PPP2CB: variants seen among roughly 807,000 people sequenced by gnomAD.
PPP2CB encodes protein phosphatase 2 catalytic subunit beta.
In PPP2CB, 18 loss-of-function variants were observed where a neutral mutation model predicts 39.1. That is an observed-to-expected ratio of 0.46 (90% CI 0.32 to 0.68). The LOEUF (loss-of-function observed/expected upper bound fraction) is 0.68. Ranked by LOEUF, PPP2CB falls within the 30% of genes least tolerant of loss-of-function variation. The pLI, the probability that PPP2CB is intolerant of heterozygous loss-of-function variation, is 0.04. For missense variants in PPP2CB, 226 were observed against 396.9 expected (o/e 0.57, Z 3.66); for synonymous variants, 129 against 133.8 (o/e 0.96, Z 0.25).
intron 6 of PPP2CB, 45 bp downstream of exon 6, chr8:30,791,152 T>C (rs1806420994): frequency 1.5e-6 from 2 of 1,320,850 alleles, no homozygotes. Context: ...ACATTTAAAA[T>C]TTTCCTTCTG....
At chr8:30,805,585 T>C (rs1045460431) in intron 1 of PPP2CB, among the ~76,000 whole-genome samples, 8 of 151,820 alleles carry the variant, frequency 5.3e-5, no homozygotes, top group Non-Finnish European at 7.4e-5. Flanking sequence ...AAAAGAGATT[T>C]TGAGCAAAAT....
Position 30,797,741 on chromosome 8 carries a change from T to C in PPP2CB, c.326A>G (p.Glu109Gly), listed in dbSNP as rs1170849504. 3 of 1,613,446 alleles carry C rather than the reference T, an allele frequency of 1.9e-6. No homozygotes were observed. Among genetic ancestry groups the C allele is most frequent in the Admixed American group, 1.7e-5 (1 of 59,854 alleles). ...LLVALKVRYPERITILRGNHE... is the reference protein window; with the variant it reads ...LLVALKVRYPGRITILRGNHE... The stretch of plus-strand genomic sequence containing the variant: ...ATTTCCTCTCAATATTGTAATGCGT[T>C]CTGGATAACGCACCTGGAAGAAAAG... The change falls in exon 3 of 7, where the codon GAA (glutamate) becomes GGA (glycine). Residue 109 changes from glutamate (E) to glycine (G), a missense_variant. By Grantham distance (98) the Glu-to-Gly change is moderately conservative. Coordinates refer to ENST00000221138, the MANE Select transcript of PPP2CB (RefSeq NM_001009552.2).
Position 30,794,027 on chromosome 8 carries a change from C to A in PPP2CB, c.628G>T (p.Gly210Cys). The A allele has an allele frequency of 6.2e-7, 1 of 1,612,716 alleles. No individual in the cohort carries two copies. The highest frequency in any genetic ancestry group is 8.5e-7 in the Non-Finnish European group (1 of 1,179,360). The change falls in exon 5 of 7, where the codon GGT becomes TGT. Residue 210 changes from glycine (G) to cysteine (C), a missense_variant. Around this residue, in one of 4 missense-constraint regions of PPP2CB, gnomAD observed 110 missense variants for 244.1 expected, o/e 0.45. Coordinates refer to ENST00000221138, the MANE Select transcript of PPP2CB (RefSeq NM_001009552.2). Reference sequence around the variant, plus strand: ...TAGCCAGCACCACGTGGTGAAATACCCCATCCACCACGATCATCTGGATCT... The same window carrying A: ...TAGCCAGCACCACGTGGTGAAATACACCATCCACCACGATCATCTGGATCT... ...WSDPDDRGGW[G>C]ISPRGAGYTF...
intron 1 of PPP2CB, among the ~76,000 whole-genome samples, chr8:30,810,973 T>C (rs1806815986): frequency 6.6e-6 from 1 of 152,238 alleles, no homozygotes; most frequent in African/African-American, 2.4e-5. Flanking sequence ...GAAAATTTTA[T>C]AGATTACGTT....
chr8:30,797,845 G>A lies in PPP2CB; in HGVS notation c.313-91C>T, dbSNP rs200321354. ...AGTCTCTGACCCATTTTTAAACACGGCGCTTTTGGCCACCAGTATATTAAA... is the reference window on the plus strand; with the variant it reads ...AGTCTCTGACCCATTTTTAAACACGACGCTTTTGGCCACCAGTATATTAAA... On this transcript the variant is annotated intron_variant, in intron 2 of 6. Transcript: ENST00000221138. The A allele has an allele frequency of 1.5e-5, 19 of 1,287,010 alleles. No homozygotes were observed. The East Asian group carries it at 4.0e-4, about 27-fold the overall frequency. The allele number at this position is 1,287,010 out of a possible 1,614,324, so 79.7% of individuals were successfully genotyped here. A position where few individuals can be genotyped will look rare whatever the true frequency, so the allele number is the denominator to read the frequency against.
At chr8:30,796,609 G>A (rs557732367) in intron 3 of PPP2CB, among the ~76,000 whole-genome samples, 8 of 152,126 alleles carry the variant, frequency 5.3e-5, no homozygotes, top group South Asian at 2.1e-4. Flanking sequence ...GGCTGGTCTC[G>A]AACTCCCTAC....
intron 3 of PPP2CB, among the ~76,000 whole-genome samples, chr8:30,794,795 T>C (rs1374791356): frequency 6.6e-6 from 1 of 152,210 alleles, no homozygotes; most frequent in Admixed American, 6.5e-5. Flanking sequence ...TGGTTATTGC[T>C]GATATATACA....
At chr8:30,791,738 T>C (rs76194634) in intron 5 of PPP2CB, among the ~76,000 whole-genome samples, 4,532 of 152,160 alleles carry the variant, frequency 0.03, 216 homozygotes, top group African/African-American at 0.099. Context: ...TCTCTTTATT[T>C]CTAATAATAC....
Position 30,812,418 on chromosome 8 carries a change from C to A in PPP2CB, c.4G>T (p.Asp2Tyr). 1 of 1,529,082 alleles carries A rather than the reference C, an allele frequency of 6.5e-7. No individual in the cohort carries two copies. Among genetic ancestry groups the A allele is most frequent in the South Asian group, 1.2e-5 (1 of 83,624 alleles). The allele number at this position is 1,529,082 out of a possible 1,614,324, so 94.7% of individuals were successfully genotyped here. The change falls in exon 1 of 7, where the codon GAC (aspartate) becomes TAC (tyrosine). Residue 2 changes from aspartate to tyrosine, a missense_variant. Around this residue, in one of 4 missense-constraint regions of PPP2CB, gnomAD observed 59 missense variants for 42.6 expected, o/e 1.38. Transcript: ENST00000221138. M[D>Y]DKAFTKELDQ... The stretch of plus-strand genomic sequence containing the variant: ...AGCTCCTTGGTGAACGCCTTGTCGT[C>A]CATGGCGGCCCGATCCCGATGCGGA...
At chr8:30,788,373 C>A (rs1429118338) in intron 6 of PPP2CB, among the ~76,000 whole-genome samples, 1 of 152,080 alleles carries the variant, frequency 6.6e-6, no homozygotes, top group Non-Finnish European at 1.5e-5. Context: ...AAGTGATCCT[C>A]CATCTCAGCC....
chr8:30,789,939 G>A (rs1433085787), intron 6 of PPP2CB, among the ~76,000 whole-genome samples: 1 of 152,182 alleles, frequency 6.6e-6, no homozygotes, highest in East Asian at 1.9e-4. Context: ...CCTAGCTTCT[G>A]ATGGCTCTGG....
At chr8:30,792,111 C>T (rs2128760606) in intron 5 of PPP2CB, among the ~76,000 whole-genome samples, 1 of 151,814 alleles carries the variant, frequency 6.6e-6, no homozygotes, top group South Asian at 2.1e-4. Flanking sequence ...GGCTGGAGTG[C>T]AGTGGTGCGA....
intron 5 of PPP2CB, among the ~76,000 whole-genome samples, chr8:30,791,913 T>C (rs537887081): frequency 6.6e-6 from 1 of 151,916 alleles, no homozygotes; most frequent in South Asian, 2.1e-4. Context: ...CATGTGTATA[T>C]ACATACACGT....
chr8:30,804,886 C>T (rs1038833186), intron 1 of PPP2CB, among the ~76,000 whole-genome samples: 7 of 151,852 alleles, frequency 4.6e-5, no homozygotes, highest in Non-Finnish European at 8.8e-5. Context: ...TCTATGACCA[C>T]CCTATTAAAA....
intron 3 of PPP2CB, chr8:30,794,572 T>C (rs1169398424): frequency 6.5e-6 from 2 of 306,948 alleles, no homozygotes; most frequent in African/African-American, 2.3e-5. Context: ...TTCTTTTTTT[T>C]CTCCCTCCCC....
Position 30,785,669 on chromosome 8 carries a change from C to T in PPP2CB, c.*566G>A, listed in dbSNP as rs1806326970. On this transcript the variant is annotated 3_prime_UTR_variant, in exon 7 of 7. Coordinates refer to ENST00000221138, the MANE Select transcript of PPP2CB (RefSeq NM_001009552.2). Reference sequence around the variant, plus strand: ...CTGAGTACACCAAATAGGATGCAAGCACTGTCATGACAAATATACAGAAAT... The same window carrying T: ...CTGAGTACACCAAATAGGATGCAAGTACTGTCATGACAAATATACAGAAAT... The T allele has an allele frequency of 5.4e-6, 1 of 185,936 alleles. No homozygotes were observed. Among genetic ancestry groups the T allele is most frequent in the African/African-American group, 2.4e-5 (1 of 41,794 alleles). The allele number at this position is 185,936 out of a possible 1,614,324, so 11.5% of individuals were successfully genotyped here.
chr8:30,797,123 T>C (rs1458757668), intron 3 of PPP2CB, among the ~76,000 whole-genome samples: 1 of 152,160 alleles, frequency 6.6e-6, no homozygotes, highest in Non-Finnish European at 1.5e-5. Flanking sequence ...TACTAGCCAC[T>C]GTGCCCAGCC....
intron 1 of PPP2CB, among the ~76,000 whole-genome samples, chr8:30,812,096 C>CG (rs1806841773): frequency 1.3e-5 from 2 of 152,018 alleles, no homozygotes; most frequent in African/African-American, 4.8e-5. Context: ...GGCAGCCGGC[C>CG]GGGGGCGTGA....
intron 3 of PPP2CB, among the ~76,000 whole-genome samples, chr8:30,795,316 T>C (rs953881647): frequency 2.6e-5 from 4 of 152,268 alleles, no homozygotes; most frequent in South Asian, 2.1e-4. Flanking sequence ...GGTTTCTCCA[T>C]GTTGGCCAGG....
Sources: gnomAD v4.1 joint callset for allele counts (sites outside exome capture counted in the v4.1 genomes callset) on GRCh38, gnomAD v4.1.1 for gene constraint, gnomAD v4.1.1 regional missense constraint, MANE v1.5 for transcripts, NCBI Gene and HGNC (gene_info 2026-07-23, HGNC 2026-07-21) for gene names.